The following NUDCD3 variants were observed in gnomAD, a reference collection of about 807,000 sequenced individuals.
The protein encoded by NUDCD3 is NudC domain containing 3.
Under a neutral mutation model 39.7 loss-of-function variants are expected in NUDCD3, and 13 were observed. The ratio of observed to expected loss-of-function variants is 0.33; its 90% CI spans 0.21 to 0.52. The LOEUF (loss-of-function observed/expected upper bound fraction) is 0.52. NUDCD3 is among the 20% of genes least tolerant of loss of function. The pLI is 0.96. For synonymous variants in NUDCD3, 175 were observed against 172.4 expected, an observed-to-expected ratio of 1.02 and a Z score of -0.12; for missense variants, 453 against 458.1, an observed-to-expected ratio of 0.99 and a Z score of 0.10.
intron 5 of NUDCD3, among the ~76,000 whole-genome samples, chr7:44,387,959 G>C (rs1798429902): frequency 6.6e-6 from 1 of 152,182 alleles, no homozygotes; most frequent in Admixed American, 6.5e-5. Context: ...ACAGAGCAAT[G>C]GCACCTGTAC....
At chr7:44,442,693 CT>C (rs869244799) in intron 2 of NUDCD3, among the ~76,000 whole-genome samples, 15,482 of 124,148 alleles carry the variant, frequency 0.12, 443 homozygotes, top group Non-Finnish European at 0.18. Context: ...CTCCCCTTTT[CT>C]TTTTTTTTTT....
At position 44,381,034 on chromosome 7, in the gene NUDCD3, G is replaced by C. The variant is rs1039084413; in HGVS notation, c.*4977C>G. 5.3e-5 allele frequency: 8 copies of C among 152,348 alleles called. No individual in the cohort carries two copies. Among genetic ancestry groups the C allele is most frequent in the African/African-American group, 1.9e-4 (8 of 41,472 alleles). 9.4% of individuals were successfully genotyped at this position (152,348 alleles called of 1,614,324 possible). A position where few individuals can be genotyped will look rare whatever the true frequency, so the allele number is the denominator to read the frequency against. ...TGAGTCAGCAGGCTCCTAACAGCCT[G>C]AGTGACCTCCTCATAGCATGGGGTC... On this transcript the variant is annotated 3_prime_UTR_variant, in exon 6 of 6. Coordinates refer to ENST00000355451, the MANE Select transcript of NUDCD3 (RefSeq NM_015332.4).
chr7:44,453,340 G>C (rs1200500209), intron 2 of NUDCD3, among the ~76,000 whole-genome samples: 1 of 151,850 alleles, frequency 6.6e-6, no homozygotes, highest in African/African-American at 2.4e-5. Flanking sequence ...GCGACAGAGT[G>C]AGACTTCATC....
intron 3 of NUDCD3, among the ~76,000 whole-genome samples, chr7:44,408,792 C>T (rs902429715): frequency 1.3e-5 from 2 of 152,194 alleles, no homozygotes; most frequent in African/African-American, 4.8e-5. Context: ...ACTCTCCAGG[C>T]TCTCAGCAGG....
intron 3 of NUDCD3, among the ~76,000 whole-genome samples, chr7:44,414,145 T>C (rs972032886): frequency 6.6e-6 from 1 of 152,210 alleles, no homozygotes; most frequent in African/African-American, 2.4e-5. Context: ...CAAAATGAAG[T>C]TTATTAAAGG....
intron 4 of NUDCD3, among the ~76,000 whole-genome samples, chr7:44,393,794 C>G (rs1229822268): frequency 6.6e-6 from 1 of 152,112 alleles, no homozygotes; most frequent in East Asian, 1.9e-4. Flanking sequence ...TGGCAGCCAC[C>G]AGGACACTTA....
At chr7:44,437,319 T>C (rs747117794) in intron 2 of NUDCD3, among the ~76,000 whole-genome samples, 24 of 152,038 alleles carry the variant, frequency 1.6e-4, no homozygotes, top group Non-Finnish European at 1.5e-5. Context: ...CTGCCCGCCT[T>C]GGCCTCCCAA....
At chr7:44,390,956 A>T (rs2116858966) in intron 5 of NUDCD3, among the ~76,000 whole-genome samples, 1 of 152,330 alleles carries the variant, frequency 6.6e-6, no homozygotes, top group Middle Eastern at 3.4e-3. Flanking sequence ...GATGTCCTTT[A>T]AGCTTGCCAT....
At chr7:44,442,592 C>T (rs899309284) in intron 2 of NUDCD3, among the ~76,000 whole-genome samples, 2 of 152,138 alleles carry the variant, frequency 1.3e-5, no homozygotes, top group Non-Finnish European at 2.9e-5. Flanking sequence ...CATTCATCTT[C>T]TGTCTCAGCT....
At chr7:44,426,080 T>G in intron 3 of NUDCD3, 2 of 976,348 alleles carry the variant, frequency 2.0e-6, no homozygotes, top group Non-Finnish European at 2.4e-6. Context: ...GGCCGTCCAC[T>G]TCATCGCTGT....
chr7:44,453,352 CAAAA>C (rs1413613839), intron 2 of NUDCD3, among the ~76,000 whole-genome samples: 3 of 150,654 alleles, frequency 2.0e-5, no homozygotes, highest in African/African-American at 7.4e-5. Context: ...GACTTCATCT[CAAAA>C]AAATAAATAA....
At chr7:44,474,381 T>C (rs1407655745) in intron 2 of NUDCD3, among the ~76,000 whole-genome samples, 3 of 152,216 alleles carry the variant, frequency 2.0e-5, no homozygotes, top group Non-Finnish European at 4.4e-5. Flanking sequence ...TCTGCTTCAA[T>C]TCCCAATAAC....
intron 2 of NUDCD3, among the ~76,000 whole-genome samples, chr7:44,430,802 T>C (rs1799349976): frequency 6.6e-6 from 1 of 152,168 alleles, no homozygotes; most frequent in African/African-American, 2.4e-5. Flanking sequence ...GGGTTCTGCC[T>C]CCTCCAGGGC....
chr7:44,428,998 A>G (rs753963928), intron 2 of NUDCD3, among the ~76,000 whole-genome samples: 29 of 152,336 alleles, frequency 1.9e-4, no homozygotes, highest in Non-Finnish European at 3.1e-4. Context: ...ACACAAAACT[A>G]CATGTATCTA....
intron 3 of NUDCD3, among the ~76,000 whole-genome samples, chr7:44,408,132 C>T: frequency 6.6e-6 from 1 of 152,164 alleles, no homozygotes; most frequent in East Asian, 1.9e-4. Context: ...ATATCCCTTT[C>T]AATCCTAACA....
chr7:44,489,366 C>T lies in NUDCD3; in HGVS notation c.192+1043G>A, dbSNP rs191617797. On this transcript the variant is annotated intron_variant, in intron 1 of 5. Transcript: ENST00000355451. ...TAATGGAACCCCATTCCTCGTTTGGCCCTATTACCCTGGTAGCTACCAAGA... is the reference window on the plus strand; with the variant it reads ...TAATGGAACCCCATTCCTCGTTTGGTCCTATTACCCTGGTAGCTACCAAGA... Among the ~76,000 whole-genome samples the T allele has an allele frequency of 7.2e-5, 11 of 152,290 alleles. No homozygotes were observed. In the East Asian group the frequency reaches 1.5e-3, roughly 21 times the overall value.
At chr7:44,456,814 T>C (rs1023969721) in intron 2 of NUDCD3, among the ~76,000 whole-genome samples, 2 of 150,892 alleles carry the variant, frequency 1.3e-5, no homozygotes, top group Non-Finnish European at 3.0e-5. Flanking sequence ...TAGAAGAAAA[T>C]GGAGGAATGC....
chr7:44,490,386 G>T (rs968675812), intron 1 of NUDCD3, 23 bp downstream of exon 1: 1 of 1,518,666 alleles, frequency 6.6e-7, no homozygotes, highest in Admixed American at 2.1e-5. Context: ...CGGCTCCCCA[G>T]ACCGCAGGCC....
Position 44,476,842 on chromosome 7 carries a change from G to C in NUDCD3, c.509+8126C>G, listed in dbSNP as rs186423980. Among the ~76,000 whole-genome samples the C allele has an allele frequency of 9.2e-5, 14 of 152,256 alleles. No homozygotes were observed. The East Asian group carries it at 1.9e-3, about 21-fold the overall frequency. On this transcript the variant is annotated intron_variant, in intron 2 of 5. Coordinates refer to ENST00000355451, the MANE Select transcript of NUDCD3 (RefSeq NM_015332.4). ...TAAAATGAAGTGCAAACTCCAAGGA[G>C]GCATGGTTACCTGCTGGGGAAAGCG...
Sources: gnomAD v4.1 joint callset for allele counts (sites outside exome capture counted in the v4.1 genomes callset) on GRCh38, gnomAD v4.1.1 for gene constraint, MANE v1.5 for transcripts, NCBI Gene and HGNC (gene_info 2026-07-23, HGNC 2026-07-21) for gene names.